Variants in TMEM232 observed in about 807,000 individuals in gnomAD.
TMEM232 encodes transmembrane protein 232.
In TMEM232, 80 loss-of-function variants were observed where a neutral mutation model predicts 78.8. The ratio of observed to expected loss-of-function variants is 1.01; its 90% CI spans 0.85 to 1.22. The LOEUF (loss-of-function observed/expected upper bound fraction) is 1.22. Ranked by LOEUF, TMEM232 falls within the 50% of genes most tolerant of loss-of-function variation. The probability of loss-of-function intolerance (pLI) is 0.00; values close to 1 mark genes in which losing one functional copy is unlikely to be tolerated. For synonymous variants in TMEM232, 297 were observed against 254.3 expected, an observed-to-expected ratio of 1.17 and a Z score of -1.60; for missense variants, 881 against 742.2, an observed-to-expected ratio of 1.19 and a Z score of -2.17.
chr5:110,405,193 A>T (rs1755740919), intron 2 of TMEM232, among the ~76,000 whole-genome samples: 1 of 152,122 alleles, frequency 6.6e-6, no homozygotes, highest in African/African-American at 2.4e-5. Context: ...AAAATGAAGC[A>T]GGCTGATCAC....
At chr5:110,691,646 T>C (rs922844162) in intron 1 of TMEM232, among the ~76,000 whole-genome samples, 3 of 152,224 alleles carry the variant, frequency 2.0e-5, no homozygotes, top group African/African-American at 7.2e-5. Context: ...TGTTTACTGA[T>C]TACAACTTTG....
intron 12 of TMEM232, among the ~76,000 whole-genome samples, chr5:110,480,725 T>C (rs991614113): frequency 6.6e-6 from 1 of 152,062 alleles, no homozygotes; most frequent in Non-Finnish European, 1.5e-5. Context: ...AGGAATGAGA[T>C]GTGAATAGTG....
chr5:110,570,906 C>A (rs916168283), intron 10 of TMEM232, among the ~76,000 whole-genome samples: 1 of 152,002 alleles, frequency 6.6e-6, no homozygotes, highest in Non-Finnish European at 1.5e-5. Context: ...ATCACCACTC[C>A]TTTAATCCCA....
rs542845910 is a variant in TMEM232, at chr5:110,501,986, A to G, written c.1703+26602T>C. On this transcript the variant is annotated intron_variant, in intron 12 of 13. Transcript: ENST00000455884. ...CTAGAAATTTTGTGATAATAAGGAA[A>G]AGAGATGATTATCACAGAAATATTG... Among the ~76,000 whole-genome samples the G allele has an allele frequency of 2.0e-5, 3 of 152,296 alleles. No individual in the cohort carries two copies. The South Asian group carries it at 6.2e-4, about 32-fold the overall frequency.
intron 12 of TMEM232, among the ~76,000 whole-genome samples, chr5:110,501,711 C>G (rs1324049608): frequency 6.6e-6 from 1 of 151,566 alleles, no homozygotes; most frequent in Non-Finnish European, 1.5e-5. Context: ...AGCTTTTGGG[C>G]CTTCAAGAGA....
intron 12 of TMEM232, among the ~76,000 whole-genome samples, chr5:110,464,203 G>A (rs1393747639): frequency 6.6e-6 from 1 of 152,284 alleles, no homozygotes; most frequent in South Asian, 2.1e-4. Flanking sequence ...ACACCTATAA[G>A]AGGTGTCTGT....
At chr5:110,638,133 A>T (rs1252999571) in intron 5 of TMEM232, 65 bp downstream of exon 5, 2 of 1,236,712 alleles carry the variant, frequency 1.6e-6, no homozygotes, top group African/African-American at 1.5e-5. Context: ...CCTAAAACAG[A>T]TGTCATGTTG....
At chr5:110,475,688 T>C (rs1460987163) in intron 12 of TMEM232, among the ~76,000 whole-genome samples, 4 of 151,772 alleles carry the variant, frequency 2.6e-5, no homozygotes, top group African/African-American at 9.7e-5. Context: ...GTTTGCAAGG[T>C]AGTAGAGAGT....
intron 11 of TMEM232, among the ~76,000 whole-genome samples, chr5:110,542,569 C>T (rs1773270779): frequency 6.6e-6 from 1 of 151,954 alleles, no homozygotes; most frequent in African/African-American, 2.4e-5. Flanking sequence ...GGACTAAGCC[C>T]CAAGTCAGCA....
At chr5:110,550,390 A>G (rs889502033) in intron 11 of TMEM232, among the ~76,000 whole-genome samples, 2 of 152,162 alleles carry the variant, frequency 1.3e-5, no homozygotes, top group Non-Finnish European at 2.9e-5. Context: ...CAGCATCATC[A>G]TTCAGTCCTG....
chr5:110,406,451 G>A (rs1755797851), intron 2 of TMEM232, among the ~76,000 whole-genome samples: 1 of 151,868 alleles, frequency 6.6e-6, no homozygotes, highest in Non-Finnish European at 1.5e-5. Context: ...CTCTTCCTTT[G>A]AATAAATATC....
Position 110,696,393 on chromosome 5 carries a change from A to G in TMEM232, c.-12-29029T>C, listed in dbSNP as rs1215833632. On this transcript the variant is annotated intron_variant, in intron 1 of 13. Transcript: ENST00000455884. Reference sequence around the variant, plus strand: ...AAGCATTCCCTTTGAAAACGGGCACAAGACAGGGATGCCCTCTCTCACCAC... The same window carrying G: ...AAGCATTCCCTTTGAAAACGGGCACGAGACAGGGATGCCCTCTCTCACCAC... 3.3e-5 allele frequency among the ~76,000 whole-genome samples: 5 copies of G among 152,212 alleles called. No homozygotes were observed. In the East Asian group the frequency reaches 9.6e-4, roughly 29 times the overall value.
intron 12 of TMEM232, among the ~76,000 whole-genome samples, chr5:110,451,409 C>T (rs561299742): frequency 1.2e-4 from 19 of 152,204 alleles, no homozygotes; most frequent in African/African-American, 4.1e-4. Context: ...TTCAACAGCT[C>T]TAAAACTTTG....
In TMEM232 at chr5:110,569,367, C is replaced by A. The variant is rs537606733; in HGVS notation, c.1277-742G>T. ...TACCTAGATATTGTATATTGCTATG[C>A]AGTAATAGGAAGAAAGAATTCCAAT... On this transcript the variant is annotated intron_variant, in intron 10 of 13. Transcript: ENST00000455884. 2.0e-5 allele frequency among the ~76,000 whole-genome samples: 3 copies of A among 151,694 alleles called. No individual in the cohort carries two copies. In the South Asian group the frequency reaches 6.2e-4, roughly 31 times the overall value.
intron 12 of TMEM232, among the ~76,000 whole-genome samples, chr5:110,433,844 G>T (rs1362118896): frequency 6.6e-6 from 1 of 152,048 alleles, no homozygotes; most frequent in East Asian, 1.9e-4. Flanking sequence ...TGATCATGGT[G>T]AATTAACATT....
chr5:110,561,892 G>A (rs935744970), intron 11 of TMEM232, among the ~76,000 whole-genome samples: 1 of 152,028 alleles, frequency 6.6e-6, no homozygotes, highest in Non-Finnish European at 1.5e-5. Context: ...GAATAAGAGA[G>A]GGAAGACCCC....
intron 1 of TMEM232, among the ~76,000 whole-genome samples, chr5:110,719,091 G>A (rs1387203060): frequency 2.0e-5 from 3 of 152,098 alleles, no homozygotes; most frequent in Non-Finnish European, 2.9e-5. Context: ...GGTTTGCCAT[G>A]ATAGTCTTAT....
At chr5:110,676,155 T>C (rs1791997214) in intron 1 of TMEM232, among the ~76,000 whole-genome samples, 1 of 152,232 alleles carries the variant, frequency 6.6e-6, no homozygotes, top group African/African-American at 2.4e-5. Flanking sequence ...TACATTTTTG[T>C]TATGCATTCC....
intron 2 of TMEM232, among the ~76,000 whole-genome samples, chr5:110,643,620 T>TG (rs1355633085): frequency 6.6e-6 from 1 of 152,064 alleles, no homozygotes; most frequent in African/African-American, 2.4e-5. Flanking sequence ...AAATTATTGT[T>TG]GGAGTCATGC....
Sources: allele counts gnomAD v4.1 joint callset (sites outside exome capture counted in the v4.1 genomes callset), GRCh38; gene constraint gnomAD v4.1.1; transcripts MANE v1.5; gene names NCBI Gene and HGNC (gene_info 2026-07-23, HGNC 2026-07-21).